Variants in ATCAY observed in about 807,000 individuals in gnomAD.
ATCAY encodes caytaxin.
Under a neutral mutation model 47.7 loss-of-function variants are expected in ATCAY, and 22 were observed. That is an observed-to-expected ratio of 0.46 (90% CI 0.33 to 0.66). The LOEUF is 0.66. ATCAY is among the 30% of genes least tolerant of loss of function. ATCAY has a pLI of 0.02. For missense variants in ATCAY, 452 were observed against 515.0 expected (o/e 0.88, Z 1.18); for synonymous variants, 216 against 207.6 (o/e 1.04, Z -0.35).
At chr19:3,918,422 A>G (rs922555040) in intron 10 of ATCAY, among the ~76,000 whole-genome samples, 3 of 151,622 alleles carry the variant, frequency 2.0e-5, no homozygotes, top group Non-Finnish European at 2.9e-5. Flanking sequence ...GTGTGGTGGC[A>G]TGCGCCTGTA....
Position 3,885,922 on chromosome 19 carries a change from T to C in ATCAY, c.77+78T>C, listed in dbSNP as rs955047270. On this transcript the variant is annotated intron_variant, in intron 2 of 12. Coordinates refer to ENST00000450849, the MANE Select transcript of ATCAY (RefSeq NM_033064.5). ...AGGTGGGACACAGGAGCGGCCCGGG[T>C]CTCTCTCTAAGTGGGAACCGCCCGG... 2.7e-6 allele frequency: 4 copies of C among 1,462,054 alleles called. No homozygotes were observed. In the African/African-American group the frequency reaches 5.6e-5, roughly 21 times the overall value. The allele number at this position is 1,462,054 out of a possible 1,614,324, so 90.6% of individuals were successfully genotyped here. A position where few individuals can be genotyped will look rare whatever the true frequency, so the allele number is the denominator to read the frequency against.
chr19:3,895,736 A>G (rs75260742), intron 2 of ATCAY, among the ~76,000 whole-genome samples: 4,586 of 76,384 alleles, frequency 0.06, 176 homozygotes, highest in South Asian at 0.26. Context: ...TTTTTTTTTG[A>G]TAGACTCTTG....
intron 9 of ATCAY, among the ~76,000 whole-genome samples, chr19:3,915,063 C>A (rs2038955363): frequency 1.3e-5 from 2 of 152,204 alleles, no homozygotes; most frequent in African/African-American, 4.8e-5. Context: ...TCATCGGCAC[C>A]TCCCCTAGGT....
At position 3,908,368 on chromosome 19, in the gene ATCAY, C is replaced by T. The variant is rs2038884992; in HGVS notation, c.645C>T (p.Phe215=). 6.3e-7 allele frequency: 1 copy of T among 1,585,670 alleles called. No individual in the cohort carries two copies. The highest frequency in any genetic ancestry group is 1.1e-5 in the South Asian group (1 of 87,014). The change falls in exon 6 of 13, where the codon TTC becomes TTT. Residue 215 remains phenylalanine (F), a splice_region_variant and synonymous_variant. Transcript: ENST00000450849. ...ACCACTACATCATGGAGAACCTCTT[C>T]CTGTGAGTCCCCGCCCGCGGCGAGC... ...PDYHYIMENL[F]LYVISSLELL...
chr19:3,900,285 A>C (rs1261378002), intron 2 of ATCAY, among the ~76,000 whole-genome samples: 3 of 147,930 alleles, frequency 2.0e-5, no homozygotes, highest in African/African-American at 7.5e-5. Context: ...TCCGCCTCCC[A>C]GGCTCAAGCA....
intron 10 of ATCAY, among the ~76,000 whole-genome samples, chr19:3,918,554 CAAAAAAAA>C (rs762114179): frequency 7.0e-6 from 1 of 143,010 alleles, no homozygotes; most frequent in South Asian, 2.2e-4. Flanking sequence ...GATCCTGTCT[CAAAAAAAA>C]AAACAAAAAA....
At chr19:3,900,237 G>A (rs1341185921) in intron 2 of ATCAY, among the ~76,000 whole-genome samples, 2 of 150,622 alleles carry the variant, frequency 1.3e-5, no homozygotes, top group Non-Finnish European at 2.9e-5. Context: ...TGTCATCCAG[G>A]CTGGGGTGCA....
At chr19:3,918,559 A>AAT (rs1278197578) in intron 10 of ATCAY, among the ~76,000 whole-genome samples, 130 of 151,658 alleles carry the variant, frequency 8.6e-4, no homozygotes, top group Middle Eastern at 3.4e-3. Context: ...TGTCTCAAAA[A>AAT]AAAAAACAAA....
At chr19:3,904,365 C>T (rs977297730) in intron 3 of ATCAY, among the ~76,000 whole-genome samples, 2 of 152,006 alleles carry the variant, frequency 1.3e-5, no homozygotes, top group Admixed American at 1.3e-4. Flanking sequence ...AATTAGCAGA[C>T]TTTGGATTAA....
rs2038871581 is a variant in ATCAY at position 3,907,494 on chromosome 19, C to G, written c.359-240C>G. ...CACAGGTCCTTAACCAACAGAGTGC[C>G]CTGGGAGGCCAGCAAAGGGAATGTC... On this transcript the variant is annotated intron_variant, in intron 4 of 12. Transcript: ENST00000450849. The surrounding 1 kb of genome is among the most constrained non-coding windows in gnomAD (Gnocchi z 5.1). Among the ~76,000 whole-genome samples, 2 of 152,136 alleles carry G rather than the reference C, an allele frequency of 1.3e-5. No individual in the cohort carries two copies. The highest frequency in any genetic ancestry group is 4.1e-4 in the South Asian group (2 of 4,824).
chr19:3,895,248 C>T, intron 2 of ATCAY: 1 of 453,670 alleles, frequency 2.2e-6, no homozygotes. Flanking sequence ...CGGAGTCTCA[C>T]TCTGTCGCCA....
At chr19:3,887,984 G>A (rs1241565608) in intron 2 of ATCAY, among the ~76,000 whole-genome samples, 2 of 151,894 alleles carry the variant, frequency 1.3e-5, no homozygotes, top group East Asian at 2.0e-4. Context: ...GCATGGTGGT[G>A]CACGCCTGTA....
At chr19:3,924,423 G>A (rs2039048968) in intron 12 of ATCAY, among the ~76,000 whole-genome samples, 160 bp from the exon 13 acceptor site, 1 of 152,208 alleles carries the variant, frequency 6.6e-6, no homozygotes, top group African/African-American at 2.4e-5. Flanking sequence ...TTAGAAAGTG[G>A]GTGGCAGGAG....
At chr19:3,902,827 G>A (rs142269235) in intron 3 of ATCAY, among the ~76,000 whole-genome samples, 5 of 152,294 alleles carry the variant, frequency 3.3e-5, no homozygotes, top group African/African-American at 9.6e-5. Context: ...CGAGCTTCTC[G>A]CAGAGGGGGC....
chr19:3,906,170 CA>C (rs71339081), intron 4 of ATCAY, among the ~76,000 whole-genome samples: 238 of 75,144 alleles, frequency 3.2e-3, no homozygotes, highest in African/African-American at 5.9e-3. Flanking sequence ...GACTCCGTCT[CA>C]AAAAAAAAAA....
intron 12 of ATCAY, 100 bp from the exon 13 acceptor site, chr19:3,924,483 G>T (rs935523177): frequency 1.4e-6 from 2 of 1,433,688 alleles, no homozygotes; most frequent in East Asian, 2.3e-5. Flanking sequence ...GTTCACCCAC[G>T]CTGGGTGGGA....
chr19:3,902,453 G>C, intron 2 of ATCAY, 34 bp from the exon 3 acceptor site: 1 of 1,556,404 alleles, frequency 6.4e-7, no homozygotes, highest in East Asian at 2.4e-5. Context: ...TCTGGTGCCC[G>C]GCGACTGATG....
chr19:3,886,949 T>C (rs1200254462), intron 2 of ATCAY, among the ~76,000 whole-genome samples: 2 of 151,926 alleles, frequency 1.3e-5, no homozygotes, highest in Non-Finnish European at 2.9e-5. Flanking sequence ...CCGAAAGTGC[T>C]TGGATTCCAG....
At chr19:3,902,130 T>G (rs916548287) in intron 2 of ATCAY, among the ~76,000 whole-genome samples, 1 of 151,944 alleles carries the variant, frequency 6.6e-6, no homozygotes, top group Non-Finnish European at 1.5e-5. Context: ...CTGGGCAACA[T>G]AGTGAGACCC....
Sources: gnomAD v4.1 joint callset for allele counts (sites outside exome capture counted in the v4.1 genomes callset) on GRCh38, gnomAD v4.1.1 for gene constraint, Gnocchi (gnomAD v3.1) non-coding constraint, MANE v1.5 for transcripts, NCBI Gene and HGNC (gene_info 2026-07-23, HGNC 2026-07-21) for gene names.